The following VNN1 variants were observed in gnomAD, a reference collection of about 807,000 sequenced individuals.
VNN1 encodes vanin 1.
A neutral mutation model predicts 41.9 loss-of-function variants in VNN1; 29 were observed. The observed-to-expected ratio is 0.69, with a 90% confidence interval of 0.52 to 0.94. The LOEUF is 0.94. VNN1 is among the 40% of genes least tolerant of loss of function. The pLI is 0.00. For synonymous variants in VNN1, 233 were observed against 224.4 expected (o/e 1.04, Z -0.34); for missense variants, 637 against 621.1 (o/e 1.03, Z -0.27).
chr6:132,711,831 A>G lies in VNN1; in HGVS notation c.219T>C (p.His73=), dbSNP rs781237513. Reference sequence around the variant, plus strand: ...TAGCATCTTCTGGAGTCACAATAATATGCGCACCCTGTTAAAAATGCAACT... The same window carrying G: ...TAGCATCTTCTGGAGTCACAATAATGTGCGCACCCTGTTAAAAATGCAACT... ...AITSAADQGA[H]IIVTPEDAIY... Residue 73 remains histidine (H), a synonymous_variant, in exon 2 of 7, where the codon CAT becomes CAC. Transcript: ENST00000367928. 1.2e-6 allele frequency: 2 copies of G among 1,613,402 alleles called. No individual in the cohort carries two copies. The highest frequency in any genetic ancestry group is 1.7e-6 in the Non-Finnish European group (2 of 1,179,720).
rs769846721 is a variant in VNN1, at chr6:132,684,495, A to G, written c.1199T>C (p.Leu400Pro). The G allele has an allele frequency of 2.5e-6, 4 of 1,613,872 alleles. No individual in the cohort carries two copies. The highest frequency in any genetic ancestry group is 2.5e-6 in the Non-Finnish European group (3 of 1,179,938). ...TAAATTAGTCGTTTTACATTTCAAC[A>G]GGGTACAAATCTAGGGAAGTCATGA... is the stretch of plus-strand genomic sequence containing the variant. ...EGRYYLQICTLLKCKTTNLNT... is the reference protein window; with the variant it reads ...EGRYYLQICTPLKCKTTNLNT... Residue 400 changes from leucine to proline, a missense_variant, in exon 6 of 7, where the codon CTG becomes CCG. Leu to Pro is a moderately conservative substitution (Grantham distance 98). Transcript: ENST00000367928.
intron 5 of VNN1, among the ~76,000 whole-genome samples, chr6:132,691,771 C>T (rs1057309519): frequency 3.3e-5 from 5 of 151,900 alleles, no homozygotes; most frequent in East Asian, 3.9e-4. Flanking sequence ...CTGAGGTGGG[C>T]GGATCACCTG....
intron 5 of VNN1, among the ~76,000 whole-genome samples, 156 bp from the exon 6 acceptor site, chr6:132,684,661 A>G (rs1049948648): frequency 6.6e-6 from 1 of 152,216 alleles, no homozygotes; most frequent in African/African-American, 2.4e-5. Context: ...CAATAAAGCT[A>G]GGATAAATTT....
chr6:132,700,190 A>G (rs540841300), intron 2 of VNN1, among the ~76,000 whole-genome samples: 1 of 152,290 alleles, frequency 6.6e-6, no homozygotes, highest in South Asian at 2.1e-4. Context: ...GTTTCTGAAA[A>G]CTGTCAGGGT....
chr6:132,701,054 G>A (rs1040930838), intron 2 of VNN1, among the ~76,000 whole-genome samples: 1 of 152,186 alleles, frequency 6.6e-6, no homozygotes, highest in African/African-American at 2.4e-5. Context: ...AAGTTCATCT[G>A]TGAAACATTC....
chr6:132,709,022 G>A (rs1029578150), intron 2 of VNN1, among the ~76,000 whole-genome samples: 1 of 151,934 alleles, frequency 6.6e-6, no homozygotes, highest in African/African-American at 2.4e-5. Context: ...ATTTCTTTCA[G>A]GTCTTTGCTG....
chr6:132,700,393 C>A (rs2114359732), intron 2 of VNN1, among the ~76,000 whole-genome samples: 1 of 152,308 alleles, frequency 6.6e-6, no homozygotes, highest in South Asian at 2.1e-4. Context: ...AGAGAGGGCC[C>A]TGACAAGGAT....
chr6:132,702,311 TTAAC>T (rs1181208347), intron 2 of VNN1, among the ~76,000 whole-genome samples: 12 of 152,162 alleles, frequency 7.9e-5, no homozygotes, highest in Non-Finnish European at 1.5e-4. Flanking sequence ...TTATGAGAAT[TTAAC>T]TAATGCCTGA....
intron 2 of VNN1, 90 bp downstream of exon 2, chr6:132,711,619 C>T (rs918964108): frequency 9.2e-6 from 13 of 1,418,112 alleles, no homozygotes; most frequent in Middle Eastern, 4.6e-4. Context: ...AAGAATTGAT[C>T]ATGGATCTAT....
intron 5 of VNN1, among the ~76,000 whole-genome samples, chr6:132,686,422 T>G (rs1045452197): frequency 6.6e-6 from 1 of 152,140 alleles, no homozygotes; most frequent in Admixed American, 6.5e-5. Flanking sequence ...CACTCCAGCC[T>G]TGGCAACAGA....
chr6:132,683,071 A>T lies in VNN1; in HGVS notation c.*69T>A. ...ATACTAGAGGATAATATTAACCCGGACCAATCTTTCTTTTCTCATCCATCA... is the reference window on the plus strand; with the variant it reads ...ATACTAGAGGATAATATTAACCCGGTCCAATCTTTCTTTTCTCATCCATCA... On this transcript the variant is annotated 3_prime_UTR_variant, in exon 7 of 7. Coordinates refer to ENST00000367928, the MANE Select transcript of VNN1 (RefSeq NM_004666.3). 1 of 1,437,554 alleles carries T rather than the reference A, an allele frequency of 7.0e-7. No individual in the cohort carries two copies. The highest frequency in any genetic ancestry group is 9.4e-7 in the Non-Finnish European group (1 of 1,061,038). 89.0% of individuals were successfully genotyped at this position (1,437,554 alleles called of 1,614,324 possible).
At chr6:132,706,003 G>A (rs1406971520) in intron 2 of VNN1, among the ~76,000 whole-genome samples, 1 of 152,056 alleles carries the variant, frequency 6.6e-6, no homozygotes, top group Non-Finnish European at 1.5e-5. Context: ...ATTGATGTAA[G>A]AAATTGAAGA....
chr6:132,692,362 A>G lies in VNN1; in HGVS notation c.1049T>C (p.Val350Ala), dbSNP rs1562215546. The G allele has an allele frequency of 6.2e-7, 1 of 1,614,134 alleles. No homozygotes were observed. The highest frequency in any genetic ancestry group is 8.5e-7 in the Non-Finnish European group (1 of 1,180,016). ...DEFTFVKLTG[V>A]AGNYTVCQKD... is the part of the protein sequence containing the mutation. The stretch of plus-strand genomic sequence containing the variant: ...CTGACAAACTGTATAATTTCCTGCA[A>G]CTCCTGTGAGCTTCACAAAAGTGAA... The change falls in exon 5 of 7, where the codon GTT becomes GCT. Residue 350 changes from valine to alanine, a missense_variant. Physicochemically the swap from Val to Ala is moderately conservative, Grantham distance 64 (BLOSUM62 0). Transcript: ENST00000367928.
chr6:132,687,055 A>G (rs1474479588), intron 5 of VNN1, among the ~76,000 whole-genome samples: 2 of 152,176 alleles, frequency 1.3e-5, no homozygotes, highest in Non-Finnish European at 2.9e-5. Context: ...CCCTAATCCA[A>G]GAGGCAGAAG....
chr6:132,698,557 T>C (rs1247518580), intron 2 of VNN1, among the ~76,000 whole-genome samples: 1 of 152,214 alleles, frequency 6.6e-6, no homozygotes, highest in African/African-American at 2.4e-5. Flanking sequence ...TGAAATAATA[T>C]GCAATCAAAT....
intron 4 of VNN1, among the ~76,000 whole-genome samples, 176 bp downstream of exon 4, chr6:132,692,848 T>A (rs1778312257): frequency 6.6e-6 from 1 of 151,960 alleles, no homozygotes; most frequent in South Asian, 2.1e-4. Flanking sequence ...ACCAAATAAA[T>A]CTACAAAACA....
chr6:132,706,483 C>T (rs969785481), intron 2 of VNN1, among the ~76,000 whole-genome samples: 1 of 152,178 alleles, frequency 6.6e-6, no homozygotes, highest in African/African-American at 2.4e-5. Flanking sequence ...ACCCCTATCT[C>T]TCACCATATA....
At chr6:132,713,495 G>A (rs1778631923) in intron 1 of VNN1, among the ~76,000 whole-genome samples, 1 of 152,158 alleles carries the variant, frequency 6.6e-6, no homozygotes, top group Non-Finnish European at 1.5e-5. Context: ...TCTGAAAATA[G>A]CACCTAGTCC....
At position 132,684,323 on chromosome 6, in the gene VNN1, G is replaced by A. The variant is rs373062299; in HGVS notation, c.1359+12C>T. The A allele has an allele frequency of 1.7e-5, 28 of 1,601,290 alleles. No individual in the cohort carries two copies. Among genetic ancestry groups the A allele is most frequent in the Middle Eastern group, 3.3e-4 (2 of 6,038 alleles). On this transcript the variant is annotated intron_variant, in intron 6 of 6. Coordinates refer to ENST00000367928, the MANE Select transcript of VNN1 (RefSeq NM_004666.3). ...TACATGAAACTAATTGGCAATATTC[G>A]AAGATTCTTACCTGAAATTCTCCAG...
Sources: gnomAD v4.1 joint callset for allele counts (sites outside exome capture counted in the v4.1 genomes callset) on GRCh38, gnomAD v4.1.1 for gene constraint, MANE v1.5 for transcripts, NCBI Gene and HGNC (gene_info 2026-07-23, HGNC 2026-07-21) for gene names.